SH2D4B: variants seen among roughly 807,000 people sequenced by gnomAD.
The protein encoded by SH2D4B is SH2 domain containing 4B.
SH2D4B carries 45 observed loss-of-function variants against 61.5 expected under a neutral mutation model. The observed-to-expected ratio is 0.73, with a 90% confidence interval of 0.58 to 0.94. The LOEUF is 0.94. Ranked by LOEUF, SH2D4B falls within the 40% of genes least tolerant of loss-of-function variation. The pLI is 0.00. For missense variants in SH2D4B, 572 were observed against 574.2 expected (o/e 1.00, Z 0.04); for synonymous variants, 224 against 220.4 (o/e 1.02, Z -0.14).
Position 80,646,073 on chromosome 10 carries a change from G to T in SH2D4B, c.*1988G>T, listed in dbSNP as rs1840391463. 3 of 152,622 alleles carry T rather than the reference G, an allele frequency of 2.0e-5. No individual in the cohort carries two copies. The highest frequency in any genetic ancestry group is 2.0e-4 in the Admixed American group (3 of 15,284). The allele number at this position is 152,622 out of a possible 1,614,324, so 9.5% of individuals were successfully genotyped here. A position where few individuals can be genotyped will look rare whatever the true frequency, so the allele number is the denominator to read the frequency against. Reference sequence around the variant, plus strand: ...GGTATGACTGAAAAGGGAGTTTTCTGTATGGCCGTCACTAGGTTTTTTTGT... The same window carrying T: ...GGTATGACTGAAAAGGGAGTTTTCTTTATGGCCGTCACTAGGTTTTTTTGT... On this transcript the variant is annotated 3_prime_UTR_variant, in exon 8 of 8. Transcript: ENST00000646907.
At chr10:80,563,780 G>A (rs111606799) in intron 1 of SH2D4B, among the ~76,000 whole-genome samples, 229 of 152,238 alleles carry the variant, frequency 1.5e-3, no homozygotes, top group Middle Eastern at 3.4e-3. Context: ...GATAACTCTT[G>A]TCCTAAAGGA....
At chr10:80,633,763 T>C (rs1298603603) in intron 6 of SH2D4B, among the ~76,000 whole-genome samples, 1 of 152,120 alleles carries the variant, frequency 6.6e-6, no homozygotes, top group Non-Finnish European at 1.5e-5. Context: ...TTAAGAAACT[T>C]TTTGCCTGGT....
At chr10:80,587,146 G>GTTGT (rs1842266328) in intron 3 of SH2D4B, among the ~76,000 whole-genome samples, 1 of 86,170 alleles carries the variant, frequency 1.2e-5, no homozygotes, top group Non-Finnish European at 2.0e-5. Context: ...TTTTTTTTTT[G>GTTGT]TTTTGTTTTT....
chr10:80,603,610 G>A lies in SH2D4B; in HGVS notation c.675G>A (p.Arg225=). 1 of 1,573,466 alleles carries A rather than the reference G, an allele frequency of 6.4e-7. No individual in the cohort carries two copies. Among genetic ancestry groups the A allele is most frequent in the Non-Finnish European group, 8.6e-7 (1 of 1,159,790 alleles). ...LRRSKAADEE[R]SRRAQRARDE... is the part of the protein sequence containing the mutation. ...GGTCCAAGGCGGCTGATGAGGAGAG[G>A]AGCCGCCGAGCCCAGCGCGCCCGGG... Residue 225 remains arginine, a synonymous_variant, in exon 5 of 8, where the codon AGG becomes AGA. Coordinates refer to ENST00000646907, the MANE Select transcript of SH2D4B (RefSeq NM_001388272.1).
At chr10:80,578,822 G>C (rs543878939) in intron 3 of SH2D4B, among the ~76,000 whole-genome samples, 1 of 152,338 alleles carries the variant, frequency 6.6e-6, no homozygotes, top group Admixed American at 6.5e-5. Flanking sequence ...AGGCCAATGA[G>C]CAAGGGTCTG....
chr10:80,588,803 G>A (rs377019251), intron 4 of SH2D4B, 26 bp downstream of exon 4: 102 of 1,612,564 alleles, frequency 6.3e-5, no homozygotes, highest in Non-Finnish European at 8.4e-5. Flanking sequence ...GCCTCAGGCA[G>A]GGAGACCAGT....
chr10:80,603,482 ATTACTT>A, intron 4 of SH2D4B, 91 bp from the exon 5 acceptor site: 1 of 1,191,376 alleles, frequency 8.4e-7, no homozygotes, highest in Non-Finnish European at 1.2e-6. Context: ...CTACATTGCA[ATTACTT>A]TTGCACCAAC....
chr10:80,629,584 G>A (rs373244588), intron 6 of SH2D4B, among the ~76,000 whole-genome samples: 1 of 152,086 alleles, frequency 6.6e-6, no homozygotes, highest in Non-Finnish European at 1.5e-5. Flanking sequence ...GTTGTGGTGG[G>A]GGACACAGCC....
At position 80,634,108 on chromosome 10, in the gene SH2D4B, G is replaced by T. The variant is rs181362261; in HGVS notation, c.989-177G>T. On this transcript the variant is annotated intron_variant, in intron 6 of 7. Coordinates refer to ENST00000646907, the MANE Select transcript of SH2D4B (RefSeq NM_001388272.1). ...GGCGCTGGGCCAAGATGCCCTCTCT[G>T]TGGAAGGAGGCATGTGCTTGGCCAG... is the stretch of plus-strand genomic sequence containing the variant. Among the ~76,000 whole-genome samples, 339 of 152,302 alleles carry T rather than the reference G, an allele frequency of 2.2e-3. 1 individual carries two copies. The highest frequency in any genetic ancestry group is 7.2e-3 in the African/African-American group (300 of 41,560).
intron 1 of SH2D4B, among the ~76,000 whole-genome samples, chr10:80,555,348 T>C (rs1413366242): frequency 2.0e-5 from 3 of 150,706 alleles, no homozygotes; most frequent in Non-Finnish European, 2.9e-5. Context: ...CCCCGCCTAC[T>C]GTTCACATTT....
At chr10:80,588,491 A>T in intron 3 of SH2D4B, 139 bp from the exon 4 acceptor site, 1 of 1,079,964 alleles carries the variant, frequency 9.3e-7, no homozygotes, top group South Asian at 1.7e-5. Context: ...TTTCAATTTC[A>T]TACATGTAGG....
At chr10:80,592,626 T>A (rs572715284) in intron 4 of SH2D4B, among the ~76,000 whole-genome samples, 16 of 152,314 alleles carry the variant, frequency 1.1e-4, no homozygotes, top group African/African-American at 3.4e-4. Context: ...TTGAAAAGAC[T>A]ATTCTTTCTC....
Position 80,539,925 on chromosome 10 carries a change from C to T in SH2D4B, c.184+1410C>T, listed in dbSNP as rs551525960. 4.6e-5 allele frequency among the ~76,000 whole-genome samples: 7 copies of T among 152,246 alleles called. No individual in the cohort carries two copies. The highest frequency in any genetic ancestry group is 1.9e-4 in the East Asian group (1 of 5,170). ...AGCTGGGGCCTTCCGGGCTGGGCTG[C>T]GCTGGCAGCTGCATCACTAACTGGT... On this transcript the variant is annotated intron_variant, in intron 1 of 7. Coordinates refer to ENST00000646907, the MANE Select transcript of SH2D4B (RefSeq NM_001388272.1). The surrounding 1 kb of genome is among the most constrained non-coding windows in gnomAD (Gnocchi z 4.9).
rs1564531082 is a variant in SH2D4B, at chr10:80,634,344, C to T, written c.1048C>T (p.Leu350=). ...LLENMTEGAF[L]VRVSEKIWGY... ...GGAGAACATGACTGAGGGAGCATTCCTGGTCCGGGTCAGTGAGAAAATCTG... is the reference window on the plus strand; with the variant it reads ...GGAGAACATGACTGAGGGAGCATTCTTGGTCCGGGTCAGTGAGAAAATCTG... Residue 350 remains leucine, a synonymous_variant, in exon 7 of 8, where the codon CTG becomes TTG. Coordinates refer to ENST00000646907, the MANE Select transcript of SH2D4B (RefSeq NM_001388272.1). 1 of 1,549,896 alleles carries T rather than the reference C, an allele frequency of 6.5e-7. No individual in the cohort carries two copies. The highest frequency in any genetic ancestry group is 8.7e-7 in the Non-Finnish European group (1 of 1,146,482).
intron 1 of SH2D4B, among the ~76,000 whole-genome samples, chr10:80,556,047 A>T (rs1192880977): frequency 1.3e-5 from 2 of 152,116 alleles, no homozygotes; most frequent in African/African-American, 4.8e-5. Flanking sequence ...ATTTGCAGGG[A>T]AATCTGAGTA....
At chr10:80,575,134 A>G (rs1842109857) in intron 3 of SH2D4B, among the ~76,000 whole-genome samples, 2 of 151,716 alleles carry the variant, frequency 1.3e-5, no homozygotes, top group African/African-American at 2.4e-5. Context: ...GAATACTCAT[A>G]TATTCTCCAT....
chr10:80,564,196 TTA>T (rs1841939513), intron 1 of SH2D4B, among the ~76,000 whole-genome samples: 1 of 152,260 alleles, frequency 6.6e-6, no homozygotes, highest in Non-Finnish European at 1.5e-5. Context: ...CTTATTCTTT[TTA>T]TGTCTTGTAG....
intron 6 of SH2D4B, among the ~76,000 whole-genome samples, chr10:80,625,616 A>G (rs1217129277): frequency 1.4e-5 from 2 of 141,910 alleles, no homozygotes; most frequent in Non-Finnish European, 3.0e-5. Flanking sequence ...TCTGTCGCCC[A>G]GGCTGGGGTG....
At chr10:80,555,089 C>T (rs1841813660) in intron 1 of SH2D4B, among the ~76,000 whole-genome samples, 1 of 149,978 alleles carries the variant, frequency 6.7e-6, no homozygotes, top group Non-Finnish European at 1.5e-5. Flanking sequence ...CTTAAGTTGA[C>T]ATAAAATTCA....
Sources: gnomAD v4.1 joint callset for allele counts (sites outside exome capture counted in the v4.1 genomes callset) on GRCh38, gnomAD v4.1.1 for gene constraint, Gnocchi (gnomAD v3.1) non-coding constraint, MANE v1.5 for transcripts, NCBI Gene and HGNC (gene_info 2026-07-23, HGNC 2026-07-21) for gene names.